Variants in CYFIP1 observed in about 807,000 individuals in gnomAD.
CYFIP1 encodes the protein cytoplasmic FMR1-interacting protein 1.
A neutral mutation model predicts 163.5 loss-of-function variants in CYFIP1; 58 were observed. The observed-to-expected ratio is 0.35, with a 90% confidence interval of 0.29 to 0.44. CYFIP1 has a LOEUF of 0.44. CYFIP1 is among the 20% of genes least tolerant of loss of function. The pLI is 1.00. For missense variants in CYFIP1, 1,338 were observed against 1,653.8 expected (o/e 0.81, Z 3.31); for synonymous variants, 663 against 660.7 (o/e 1.00, Z -0.05).
chr15:22,876,805 T>C (rs1200028519), intron 26 of CYFIP1, among the ~76,000 whole-genome samples: 1 of 150,410 alleles, frequency 6.6e-6, no homozygotes, highest in Non-Finnish European at 1.5e-5. Flanking sequence ...CACTCCAGCC[T>C]GGGCAACAAG....
chr15:22,980,866 C>T (rs886426472), upstream of CYFIP1: 5 of 152,240 alleles, frequency 3.3e-5, no homozygotes, highest in African/African-American at 1.2e-4. Flanking sequence ...GCTGGGGACC[C>T]CCCCGGCCGG....
intron 17 of CYFIP1, among the ~76,000 whole-genome samples, chr15:22,913,662 C>T (rs566722524): frequency 6.8e-6 from 1 of 147,294 alleles, no homozygotes; most frequent in South Asian, 2.2e-4. Context: ...CCACAGCTCA[C>T]CAGGAGCATG....
intron 6 of CYFIP1, among the ~76,000 whole-genome samples, chr15:22,942,029 C>G (rs951020059): frequency 5.2e-4 from 79 of 152,332 alleles, no homozygotes; most frequent in African/African-American, 1.7e-3. Context: ...ACCCTTCAGA[C>G]TTCTGCCCCA....
intron 11 of CYFIP1, among the ~76,000 whole-genome samples, chr15:22,928,259 T>C (rs1200021010): frequency 6.6e-6 from 1 of 152,170 alleles, no homozygotes; most frequent in African/African-American, 2.4e-5. Context: ...GGCGGGCACC[T>C]GTAGTCCCAG....
At position 22,914,734 on chromosome 15, in the gene CYFIP1, C is replaced by T. The variant is rs138234345; in HGVS notation, c.1977G>A (p.Ser659=). 4 of 1,611,304 alleles carry T rather than the reference C, an allele frequency of 2.5e-6. No homozygotes were observed. The highest frequency in any genetic ancestry group is 1.3e-5 in the African/African-American group (1 of 74,786). The change falls in exon 17 of 31, where the codon TCG becomes TCA. Residue 659 remains serine (S), a synonymous_variant. Coordinates refer to ENST00000617928, the MANE Select transcript of CYFIP1 (RefSeq NM_014608.6). ...TDHILETKEA[S]MMEYVLYSLD... ...GCCCGCAGGACACGCACTCCATCAT[C>T]GATGCCTCCTTGGTCTCCAGGATGT... is the stretch of plus-strand genomic sequence containing the variant.
At chr15:22,947,620 C>T (rs527599242) in intron 1 of CYFIP1, among the ~76,000 whole-genome samples, 1 of 152,126 alleles carries the variant, frequency 6.6e-6, no homozygotes, top group Non-Finnish European at 1.5e-5. Context: ...GTGCTGAGGA[C>T]TCTCTCGAGG....
Position 22,916,485 on chromosome 15 carries a change from T to G in CYFIP1, c.1820A>C (p.Asn607Thr). Residue 607 changes from asparagine to threonine, a missense_variant, in exon 16 of 31, where the codon AAT becomes ACT. Coordinates refer to ENST00000617928, the MANE Select transcript of CYFIP1 (RefSeq NM_014608.6). ...TCAGCAGTATCTCTTACCACTGAAA[T>G]TTATCAAGTGAGTGTAGAAGAATGA... ...RESFFYTHLI[N>T]FSETLQQCCD... 1 of 1,609,388 alleles carries G rather than the reference T, an allele frequency of 6.2e-7. No homozygotes were observed. Among genetic ancestry groups the G allele is most frequent in the South Asian group, 1.1e-5 (1 of 90,930 alleles).
chr15:22,954,846 T>A (rs1360685324), intron 1 of CYFIP1, among the ~76,000 whole-genome samples: 1 of 152,232 alleles, frequency 6.6e-6, no homozygotes, highest in African/African-American at 2.4e-5. Context: ...GACATCATCA[T>A]ACTTGGCTGC....
intron 1 of CYFIP1, among the ~76,000 whole-genome samples, chr15:22,963,101 C>T (rs934792956): frequency 6.6e-6 from 1 of 152,176 alleles, no homozygotes; most frequent in Non-Finnish European, 1.5e-5. Flanking sequence ...GAAATAGACA[C>T]TGATGTGTCT....
intron 1 of CYFIP1, among the ~76,000 whole-genome samples, chr15:22,961,011 T>C (rs1242938267): frequency 1.3e-5 from 2 of 151,834 alleles, no homozygotes; most frequent in East Asian, 3.9e-4. Flanking sequence ...TTTATTTATT[T>C]ATTTATTTAT....
At chr15:22,932,468 A>T (rs2061569716) in intron 10 of CYFIP1, 128 bp from the exon 11 acceptor site, 1 of 555,518 alleles carries the variant, frequency 1.8e-6, no homozygotes, top group Non-Finnish European at 3.1e-6. Context: ...AGGGTTGTTT[A>T]AAAAAACAAC....
intron 10 of CYFIP1, among the ~76,000 whole-genome samples, chr15:22,932,760 A>G (rs188043847): frequency 2.6e-5 from 4 of 152,276 alleles, no homozygotes; most frequent in African/African-American, 9.6e-5. Flanking sequence ...TTCTTCACAG[A>G]GTAAGATGGT....
chr15:22,947,162 C>T lies in CYFIP1; in HGVS notation c.117+7G>A, dbSNP rs1017850874. The T allele has an allele frequency of 1.7e-5, 28 of 1,614,086 alleles. No individual in the cohort carries two copies. The highest frequency in any genetic ancestry group is 2.4e-5 in the Non-Finnish European group (28 of 1,179,954). ...GGCTGTACGCCCTGCAGCTGCTGGG[C>T]ACCCACCTGGTAGAGCAGCGAGGAT... On this transcript the variant is annotated splice_region_variant and intron_variant, in intron 2 of 30. Transcript: ENST00000617928.
chr15:22,963,038 G>A (rs1300406144), intron 1 of CYFIP1, among the ~76,000 whole-genome samples: 1 of 152,140 alleles, frequency 6.6e-6, no homozygotes, highest in Non-Finnish European at 1.5e-5. Context: ...TCTAAACAGG[G>A]CCAGTAGTGG....
intron 30 of CYFIP1, 40 bp from the exon 31 acceptor site, chr15:22,870,232 TCAA>T (rs768044364): frequency 1.2e-5 from 19 of 1,548,368 alleles, no homozygotes; most frequent in Non-Finnish European, 1.7e-5. Context: ...TATTAACACT[TCAA>T]CATTTATTCT....
chr15:22,954,054 CA>C (rs1555421393), intron 1 of CYFIP1, among the ~76,000 whole-genome samples: 1 of 144,884 alleles, frequency 6.9e-6, no homozygotes, highest in East Asian at 2.0e-4. Flanking sequence ...AAGACTGTCT[CA>C]AAAAAACAAA....
Position 22,867,149 on chromosome 15 carries a change from CT to C in CYFIP1, c.*2878del. On this transcript the variant is annotated 3_prime_UTR_variant, in exon 31 of 31. Coordinates refer to ENST00000617928, the MANE Select transcript of CYFIP1 (RefSeq NM_014608.6). ...TGACAGTTTTAAGTCTATGAAAATGCTTTATTTTTTCATTGGTGATGAAAGT... is the reference window on the plus strand; with the variant it reads ...TGACAGTTTTAAGTCTATGAAAATGCTTATTTTTTCATTGGTGATGAAAGT... The C allele has an allele frequency of 2.2e-6, 1 of 447,772 alleles. No individual in the cohort carries two copies. The allele number at this position is 447,772 out of a possible 1,614,324, so 27.7% of individuals were successfully genotyped here.
intron 23 of CYFIP1, among the ~76,000 whole-genome samples, chr15:22,884,293 T>TAATAAAAAAC (rs1475023716): frequency 6.6e-6 from 1 of 152,100 alleles, no homozygotes; most frequent in Non-Finnish European, 1.5e-5. Context: ...TGAGCCTATA[T>TAATAAAAAAC]AATAAAAAAC....
In CYFIP1 at chr15:22,973,307, T is replaced by C. The variant is rs895517026; in HGVS notation, c.-7+6980A>G. The stretch of plus-strand genomic sequence containing the variant: ...CCAGCCTGGGTGACAGAACGAGACC[T>C]TGTCAAAAAAAAAAAAAAAAAAAAA... On this transcript the variant is annotated intron_variant, in intron 1 of 30. Coordinates refer to ENST00000617928, the MANE Select transcript of CYFIP1 (RefSeq NM_014608.6). Among the ~76,000 whole-genome samples the C allele has an allele frequency of 1.3e-4, 13 of 101,096 alleles. No individual in the cohort carries two copies. The East Asian group carries it at 2.3e-3, about 18-fold the overall frequency. 66.3% of individuals were successfully genotyped at this position (101,096 alleles called of 152,430 possible). A position where few individuals can be genotyped will look rare whatever the true frequency, so the allele number is the denominator to read the frequency against.
Sources: allele counts gnomAD v4.1 joint callset (sites outside exome capture counted in the v4.1 genomes callset), GRCh38; gene constraint gnomAD v4.1.1; transcripts MANE v1.5; gene names NCBI Gene and HGNC (gene_info 2026-07-23, HGNC 2026-07-21).